The following CACNB4 variants were observed in gnomAD, a reference collection of about 807,000 sequenced individuals.
The protein encoded by CACNB4 is calcium voltage-gated channel auxiliary subunit beta 4, also known as voltage-dependent L-type calcium channel subunit beta-4.
A neutral mutation model predicts 71.2 loss-of-function variants in CACNB4; 32 were observed. The observed-to-expected ratio is 0.45, with a 90% CI of 0.34 to 0.60. The LOEUF (loss-of-function observed/expected upper bound fraction) is 0.60, where lower values mean the gene tolerates loss of function less well. CACNB4 is among the 20% of genes least tolerant of loss of function. The pLI, the probability that CACNB4 is intolerant of heterozygous loss-of-function variation, is 0.01. For missense variants in CACNB4, 464 were observed against 647.9 expected, an observed-to-expected ratio of 0.72 and a Z score of 3.08; for synonymous variants, 231 against 236.9, an observed-to-expected ratio of 0.97 and a Z score of 0.23.
chr2:151,951,114 C>T (rs74554581), intron 2 of CACNB4, among the ~76,000 whole-genome samples: 10,099 of 151,940 alleles, frequency 0.066, 599 homozygotes, highest in Admixed American at 0.19. Flanking sequence ...TCAGTAGAGA[C>T]GGGGTTTCGC....
At chr2:152,015,326 T>C (rs34839636) in intron 2 of CACNB4, among the ~76,000 whole-genome samples, 65,544 of 151,956 alleles carry the variant, frequency 0.43, 16,185 homozygotes, top group Non-Finnish European at 0.57. Context: ...AGAGACGGGG[T>C]TTCACTATGT....
At chr2:151,852,160 T>G (rs2099839232) in intron 12 of CACNB4, 1 of 152,180 alleles carries the variant, frequency 6.6e-6, no homozygotes. Flanking sequence ...CTTAGGGAAA[T>G]CGTTTAATGT....
intron 2 of CACNB4, among the ~76,000 whole-genome samples, chr2:152,058,071 C>T (rs1230602767): frequency 6.6e-6 from 1 of 152,166 alleles, no homozygotes; most frequent in East Asian, 1.9e-4. Flanking sequence ...CTTTGCTCCT[C>T]ACTCTTCTCT....
rs143987914 is a variant in CACNB4 at position 151,857,603 on chromosome 2, G to T, written c.869-2228C>A. 23 of 152,266 alleles carry T rather than the reference G, an allele frequency of 1.5e-4. No individual in the cohort carries two copies. In the East Asian group the frequency reaches 4.2e-3, roughly 28 times the overall value. 9.4% of individuals were successfully genotyped at this position (152,266 alleles called of 1,614,324 possible). ...TGTCAGGGTATGTTTCCCATTTGCT[G>T]TTTTCATTAAACTGTCACTGGCTTA... On this transcript the variant is annotated intron_variant, in intron 10 of 13. Transcript: ENST00000539935.
chr2:151,971,327 C>A, intron 2 of CACNB4: 2 of 591,406 alleles, frequency 3.4e-6, no homozygotes, highest in South Asian at 2.1e-5. Flanking sequence ...ACAAGTTAAC[C>A]CCCACACACC....
chr2:152,033,963 T>C (rs1180480919), intron 2 of CACNB4, among the ~76,000 whole-genome samples: 1 of 152,150 alleles, frequency 6.6e-6, no homozygotes, highest in Non-Finnish European at 1.5e-5. Flanking sequence ...AACTTTGTAT[T>C]GCTTGGTGTG....
At chr2:151,863,105 A>C (rs1179772347) in intron 9 of CACNB4, among the ~76,000 whole-genome samples, 1 of 151,028 alleles carries the variant, frequency 6.6e-6, no homozygotes, top group African/African-American at 2.4e-5. Flanking sequence ...TCGCTCTGTC[A>C]CCCAGGCTGG....
intron 2 of CACNB4, among the ~76,000 whole-genome samples, chr2:151,963,614 G>A (rs1239666307): frequency 6.6e-6 from 1 of 151,996 alleles, no homozygotes; most frequent in Non-Finnish European, 1.5e-5. Flanking sequence ...GAACTAAATT[G>A]GTTTTTTTCT....
chr2:151,930,469 G>T (rs2099861362), intron 2 of CACNB4, among the ~76,000 whole-genome samples: 1 of 152,172 alleles, frequency 6.6e-6, no homozygotes, highest in African/African-American at 2.4e-5. Context: ...AATCATGAAT[G>T]AATTTGTCAA....
chr2:152,071,406 C>T (rs540736873), intron 2 of CACNB4, among the ~76,000 whole-genome samples: 6 of 152,210 alleles, frequency 3.9e-5, no homozygotes, highest in African/African-American at 1.4e-4. Flanking sequence ...CAGCCATTTG[C>T]AAAATTTGGG....
chr2:151,939,063 AC>A (rs1341406355), intron 2 of CACNB4, among the ~76,000 whole-genome samples: 1 of 152,150 alleles, frequency 6.6e-6, no homozygotes, highest in Non-Finnish European at 1.5e-5. Flanking sequence ...CAAGACATTA[AC>A]CTTTTGGCTT....
chr2:152,014,730 C>CAA (rs149045123), intron 2 of CACNB4, among the ~76,000 whole-genome samples: 111 of 125,600 alleles, frequency 8.8e-4, no homozygotes, highest in African/African-American at 2.7e-3. Flanking sequence ...AACTCTGTCT[C>CAA]AAAAAAAAAA....
At chr2:151,903,090 C>T (rs1382207922) in intron 2 of CACNB4, among the ~76,000 whole-genome samples, 4 of 152,086 alleles carry the variant, frequency 2.6e-5, no homozygotes, top group African/African-American at 9.7e-5. Context: ...GTTTGTGATT[C>T]ATTTGGTATG....
At chr2:151,928,585 T>C (rs779882829) in intron 2 of CACNB4, among the ~76,000 whole-genome samples, 2 of 152,194 alleles carry the variant, frequency 1.3e-5, no homozygotes. Context: ...AATCAAGCTG[T>C]GGATATGCAA....
At chr2:151,879,466 AG>A (rs2099847287) in intron 4 of CACNB4, 1 of 150,626 alleles carries the variant, frequency 6.6e-6, no homozygotes, top group African/African-American at 2.4e-5. Flanking sequence ...TTTATTATTG[AG>A]AAACTACTTA....
intron 2 of CACNB4, among the ~76,000 whole-genome samples, chr2:151,987,277 T>C (rs1161639738): frequency 1.3e-5 from 2 of 152,106 alleles, no homozygotes; most frequent in Admixed American, 1.3e-4. Flanking sequence ...AAAACGTAAG[T>C]CTTAATATGG....
intron 8 of CACNB4, chr2:151,869,776 G>A (rs1407350276): frequency 5.7e-6 from 1 of 174,072 alleles, no homozygotes; most frequent in Non-Finnish European, 1.2e-5. Context: ...ATAGAGCCAG[G>A]ATTCTTAGAT....
At chr2:151,987,499 C>T (rs562316377) in intron 2 of CACNB4, among the ~76,000 whole-genome samples, 5 of 152,094 alleles carry the variant, frequency 3.3e-5, no homozygotes, top group Non-Finnish European at 7.4e-5. Flanking sequence ...CATAATAAAT[C>T]GGGATGATGG....
intron 2 of CACNB4, among the ~76,000 whole-genome samples, chr2:152,071,485 A>G (rs1686687048): frequency 6.6e-6 from 1 of 152,224 alleles, no homozygotes; most frequent in Admixed American, 6.5e-5. Flanking sequence ...TTTAATATCT[A>G]CACATTAGGC....
Sources: gnomAD v4.1 joint callset for allele counts (sites outside exome capture counted in the v4.1 genomes callset) on GRCh38, gnomAD v4.1.1 for gene constraint, MANE v1.5 for transcripts, NCBI Gene and HGNC (gene_info 2026-07-23, HGNC 2026-07-21) for gene names.